Variants in NIPAL2 observed in about 807,000 individuals in gnomAD.
NIPAL2 encodes NIPA-like protein 2.
A neutral mutation model predicts 48.9 loss-of-function variants in NIPAL2; 43 were observed. The ratio of observed to expected loss-of-function variants is 0.88; its 90% CI spans 0.69 to 1.13. The LOEUF (loss-of-function observed/expected upper bound fraction) is 1.13. Ranked by LOEUF, NIPAL2 falls within the 50% of genes most tolerant of loss-of-function variation. The pLI, the probability that NIPAL2 is intolerant of heterozygous loss-of-function variation, is 0.00. For synonymous variants in NIPAL2, 167 were observed against 174.6 expected (o/e 0.96, Z 0.34); for missense variants, 446 against 461.4 (o/e 0.97, Z 0.31).
intron 1 of NIPAL2, among the ~76,000 whole-genome samples, chr8:98,259,317 C>T (rs1297820733): frequency 3.3e-5 from 5 of 151,758 alleles, no homozygotes; most frequent in Admixed American, 1.3e-4. Flanking sequence ...CCTCGTGATC[C>T]GCCCGTCTCG....
At position 98,194,734 on chromosome 8, in the gene NIPAL2, T is replaced by A. The variant is rs768751319; in HGVS notation, c.1033A>T (p.Ile345Phe). 1.9e-6 allele frequency: 3 copies of A among 1,540,854 alleles called. 1 individual carries two copies. In the South Asian group the frequency reaches 3.8e-5, roughly 20 times the overall value. Reference sequence around the variant, plus strand: ...AAAGAATATATGATTTTACCAGGAATATTTCCAAAATCAATATAAGACTGT... The same window carrying A: ...AAAGAATATATGATTTTACCAGGAAAATTTCCAAAATCAATATAAGACTGT... The part of the protein sequence containing the change: ...LQQSYIDFGN[I>F]PGKQMLDKIQ... The change falls in exon 10 of 11, where the codon ATT (isoleucine) becomes TTT (phenylalanine). Residue 345 changes from isoleucine (I) to phenylalanine (F), a missense_variant. By Grantham distance (21) the Ile-to-Phe change is conservative. Transcript: ENST00000430223.
chr8:98,218,958 C>T (rs1811710754), intron 5 of NIPAL2, among the ~76,000 whole-genome samples: 1 of 152,118 alleles, frequency 6.6e-6, no homozygotes, highest in Non-Finnish European at 1.5e-5. Flanking sequence ...ACAGTCCAAA[C>T]AAGAGATGGT....
At chr8:98,195,524 ATAT>A (rs1810499933) in intron 9 of NIPAL2, among the ~76,000 whole-genome samples, 1 of 152,198 alleles carries the variant, frequency 6.6e-6, no homozygotes, top group African/African-American at 2.4e-5. Flanking sequence ...TACCAACCTG[ATAT>A]TATCATGACT....
chr8:98,291,164 A>C (rs571774821), intron 1 of NIPAL2, among the ~76,000 whole-genome samples: 143 of 152,284 alleles, frequency 9.4e-4, no homozygotes, highest in Admixed American at 2.0e-3. Flanking sequence ...CTTTGTCACC[A>C]GTCCTTCAAA....
intron 3 of NIPAL2, among the ~76,000 whole-genome samples, chr8:98,251,204 G>GA (rs1305503840): frequency 6.6e-6 from 1 of 151,652 alleles, no homozygotes; most frequent in Admixed American, 6.6e-5. Context: ...ATAAAGTAAG[G>GA]AAAAAAACTA....
chr8:98,251,226 G>T (rs1460700997), intron 3 of NIPAL2, among the ~76,000 whole-genome samples: 2 of 151,954 alleles, frequency 1.3e-5, no homozygotes, highest in African/African-American at 4.8e-5. Context: ...AGATCAGCAT[G>T]ACATACACTG....
intron 3 of NIPAL2, among the ~76,000 whole-genome samples, chr8:98,247,692 C>T (rs1813379322): frequency 6.6e-6 from 1 of 152,114 alleles, no homozygotes; most frequent in African/African-American, 2.4e-5. Context: ...AAAACGGCAC[C>T]ACACAGATGA....
chr8:98,228,297 T>C (rs534132804), intron 4 of NIPAL2, among the ~76,000 whole-genome samples: 22 of 152,348 alleles, frequency 1.4e-4, no homozygotes, highest in African/African-American at 5.1e-4. Flanking sequence ...TAGAGGCTTC[T>C]ATTCAGCCAT....
intron 4 of NIPAL2, among the ~76,000 whole-genome samples, chr8:98,232,340 G>T (rs1812478262): frequency 6.6e-6 from 1 of 152,132 alleles, no homozygotes; most frequent in African/African-American, 2.4e-5. Context: ...AAAGCATTAA[G>T]TTAGGTAGGA....
chr8:98,230,986 C>T (rs1371329998), intron 4 of NIPAL2, among the ~76,000 whole-genome samples: 2 of 152,154 alleles, frequency 1.3e-5, no homozygotes, highest in Non-Finnish European at 2.9e-5. Flanking sequence ...AAGAGTTTTT[C>T]TTATTCAGCT....
chr8:98,257,427 T>G (rs1160476124), intron 1 of NIPAL2, among the ~76,000 whole-genome samples: 1 of 149,866 alleles, frequency 6.7e-6, no homozygotes, highest in Non-Finnish European at 1.5e-5. Flanking sequence ...AGCGGCTAAT[T>G]TTTGTATTTT....
chr8:98,275,785 A>G (rs755586969), intron 1 of NIPAL2, among the ~76,000 whole-genome samples: 5 of 152,204 alleles, frequency 3.3e-5, no homozygotes, highest in Non-Finnish European at 7.4e-5. Context: ...AAGTTAATCA[A>G]TATTTCCAGC....
intron 8 of NIPAL2, among the ~76,000 whole-genome samples, chr8:98,199,252 G>A (rs865969510): frequency 5.3e-5 from 8 of 151,976 alleles, no homozygotes; most frequent in African/African-American, 1.7e-4. Context: ...CACTGCACCC[G>A]GCCCAAAAAC....
intron 1 of NIPAL2, among the ~76,000 whole-genome samples, chr8:98,276,788 T>C (rs927184854): frequency 6.6e-6 from 1 of 151,846 alleles, no homozygotes; most frequent in African/African-American, 2.4e-5. Flanking sequence ...TTTTCTTTTT[T>C]TTTTGAGACA....
At chr8:98,290,768 C>G (rs1241840338) in intron 1 of NIPAL2, among the ~76,000 whole-genome samples, 2 of 152,048 alleles carry the variant, frequency 1.3e-5, no homozygotes, top group Non-Finnish European at 2.9e-5. Context: ...ATATGGGGGT[C>G]AGTAGGTAAA....
intron 5 of NIPAL2, among the ~76,000 whole-genome samples, chr8:98,213,515 T>C (rs1811424946): frequency 6.6e-6 from 1 of 152,248 alleles, no homozygotes; most frequent in South Asian, 2.1e-4. Flanking sequence ...TCCTGGATCA[T>C]AAAGTCATAG....
chr8:98,217,233 G>T, intron 5 of NIPAL2: 2 of 985,400 alleles, frequency 2.0e-6, no homozygotes, highest in Non-Finnish European at 2.4e-6. Context: ...CCTGAGCCTT[G>T]TCTCTGTGAG....
chr8:98,246,711 T>C (rs1054351948), intron 3 of NIPAL2, among the ~76,000 whole-genome samples: 5 of 152,204 alleles, frequency 3.3e-5, no homozygotes, highest in African/African-American at 9.7e-5. Context: ...TGGAAAAAGC[T>C]GATATGTTCT....
chr8:98,267,189 G>T (rs1323606706), intron 1 of NIPAL2, among the ~76,000 whole-genome samples: 1 of 151,966 alleles, frequency 6.6e-6, no homozygotes, highest in Non-Finnish European at 1.5e-5. Context: ...CTTAATAGAG[G>T]GATGGTAGAA....
Sources: gnomAD v4.1 joint callset for allele counts (sites outside exome capture counted in the v4.1 genomes callset) on GRCh38, gnomAD v4.1.1 for gene constraint, MANE v1.5 for transcripts, NCBI Gene and HGNC (gene_info 2026-07-23, HGNC 2026-07-21) for gene names.